Variants in UBAP1 observed in about 807,000 individuals in gnomAD.
The protein encoded by UBAP1 is ubiquitin associated protein 1.
In UBAP1, 5 loss-of-function variants were observed where a neutral mutation model predicts 39.0. The observed-to-expected ratio is 0.13, with a 90% CI of 0.07 to 0.27. The LOEUF is 0.27. UBAP1 is among the 10% of genes least tolerant of loss of function. The pLI is 1.00. For synonymous variants in UBAP1, 211 were observed against 225.1 expected (o/e 0.94, Z 0.56); for missense variants, 490 against 608.1 (o/e 0.81, Z 2.04).
At chr9:34,250,800 AGGGACCAAGTATCCATCCTGGTTT>A (rs1364128591) in intron 6 of UBAP1, 41 bp downstream of exon 6, 2 of 1,550,016 alleles carry the variant, frequency 1.3e-6, no homozygotes, top group Non-Finnish European at 1.8e-6. Flanking sequence ...CTGGAAAAGG[AGGGACCAAGTATCCATCCTGGTTT>A]TCTCCCTTGG....
chr9:34,203,468 GC>G (rs1353820704), intron 1 of UBAP1, among the ~76,000 whole-genome samples: 1 of 152,162 alleles, frequency 6.6e-6, no homozygotes, highest in East Asian at 1.9e-4. Context: ...CACTACTGTG[GC>G]CGGGCACTAT....
At chr9:34,251,119 G>A (rs1048353945) in intron 6 of UBAP1, among the ~76,000 whole-genome samples, 6 of 152,236 alleles carry the variant, frequency 3.9e-5, no homozygotes, top group Non-Finnish European at 7.3e-5. Flanking sequence ...GAAGATGGAT[G>A]TGGGTGGTGG....
chr9:34,234,464 C>A, intron 3 of UBAP1, 124 bp downstream of exon 3: 1 of 1,107,162 alleles, frequency 9.0e-7, no homozygotes, highest in Non-Finnish European at 1.3e-6. Flanking sequence ...AACGATGGAC[C>A]ACATATACAA....
chr9:34,182,615 CCTT>C (rs1830107913), intron 1 of UBAP1, among the ~76,000 whole-genome samples: 2 of 145,246 alleles, frequency 1.4e-5, no homozygotes, highest in African/African-American at 2.6e-5. Context: ...TTCTTTCTTT[CCTT>C]CTTTCTTTCT....
At chr9:34,203,333 A>C (rs909483720) in intron 1 of UBAP1, among the ~76,000 whole-genome samples, 4 of 152,194 alleles carry the variant, frequency 2.6e-5, no homozygotes, top group Non-Finnish European at 4.4e-5. Flanking sequence ...ATCAACAAAA[A>C]TTAAATATGC....
chr9:34,206,050 A>G (rs1429090486), intron 1 of UBAP1: 1 of 152,236 alleles, frequency 6.6e-6, no homozygotes, highest in Non-Finnish European at 1.5e-5. Context: ...GTACTAGTTT[A>G]TGTACTTATT....
chr9:34,220,990 T>A (rs1832724872), intron 2 of UBAP1, 42 bp downstream of exon 2: 1 of 1,577,574 alleles, frequency 6.3e-7, no homozygotes, highest in African/African-American at 1.3e-5. Flanking sequence ...TATGATTTGA[T>A]CAGAGGATTT....
chr9:34,229,685 G>A (rs1236113862), intron 2 of UBAP1, among the ~76,000 whole-genome samples: 4 of 150,036 alleles, frequency 2.7e-5, no homozygotes, highest in Admixed American at 6.7e-5. Context: ...TTACAGGAAC[G>A]TGCTACCACG....
At chr9:34,243,400 G>A (rs1228342795) in intron 4 of UBAP1, among the ~76,000 whole-genome samples, 1 of 152,136 alleles carries the variant, frequency 6.6e-6, no homozygotes. Flanking sequence ...ATCTCAGGAT[G>A]GGAAGAGGCC....
intron 1 of UBAP1, among the ~76,000 whole-genome samples, chr9:34,198,107 C>T (rs1412651816): frequency 6.6e-6 from 1 of 152,054 alleles, no homozygotes; most frequent in Non-Finnish European, 1.5e-5. Flanking sequence ...GAGGCCAGTG[C>T]AGGTCTGTTG....
At chr9:34,188,518 C>A (rs1458899588) in intron 1 of UBAP1, among the ~76,000 whole-genome samples, 1 of 149,676 alleles carries the variant, frequency 6.7e-6, no homozygotes, top group East Asian at 2.0e-4. Flanking sequence ...TCACCTGCTT[C>A]GGCCTCCCCA....
chr9:34,212,440 CTATT>C (rs66555396), intron 1 of UBAP1, among the ~76,000 whole-genome samples: 30,279 of 141,506 alleles, frequency 0.21, 3,633 homozygotes, highest in South Asian at 0.29. Context: ...TAGTTATTTT[CTATT>C]TATTATATGC....
At chr9:34,249,186 G>A (rs530017458) in intron 4 of UBAP1, among the ~76,000 whole-genome samples, 2 of 152,108 alleles carry the variant, frequency 1.3e-5, no homozygotes, top group Non-Finnish European at 2.9e-5. Flanking sequence ...ACGAAGCACA[G>A]TACATGATGT....
rs10535791 is a variant in UBAP1 at position 34,235,307 on chromosome 9, ATGTGTG to A, written c.159+987_159+992del. Among the ~76,000 whole-genome samples, 22 of 140,474 alleles carry A rather than the reference ATGTGTG, an allele frequency of 1.6e-4. No homozygotes were observed. The South Asian group carries it at 3.7e-3, about 24-fold the overall frequency. The allele number at this position is 140,474 out of a possible 152,430, so 92.2% of individuals were successfully genotyped here. On this transcript the variant is annotated intron_variant, in intron 3 of 6. Coordinates refer to ENST00000297661, the MANE Select transcript of UBAP1 (RefSeq NM_016525.5). ...CATTTGTGTATATGTGTATATATAT[ATGTGTG>A]TGTGTGTGTGTGTGTGTGTATATAT... is the stretch of plus-strand genomic sequence containing the variant.
At chr9:34,211,996 G>C (rs936296198) in intron 1 of UBAP1, 2 of 431,190 alleles carry the variant, frequency 4.6e-6, no homozygotes, top group Admixed American at 5.1e-5. Context: ...TAGTGTAAAA[G>C]TTCTTGAATT....
intron 2 of UBAP1, among the ~76,000 whole-genome samples, chr9:34,231,137 G>GTA (rs1833391163): frequency 1.9e-5 from 1 of 51,868 alleles, no homozygotes; most frequent in Non-Finnish European, 4.1e-5. Flanking sequence ...ATGTGTGTGT[G>GTA]TGTGTGTGTG....
chr9:34,191,626 A>G (rs1263496304), intron 1 of UBAP1: 1 of 154,756 alleles, frequency 6.5e-6, no homozygotes, highest in Non-Finnish European at 1.5e-5. Context: ...CAAAGAGAGC[A>G]CACAACTGTT....
At chr9:34,231,652 T>A (rs1261740514) in intron 2 of UBAP1, among the ~76,000 whole-genome samples, 3 of 151,708 alleles carry the variant, frequency 2.0e-5, no homozygotes, top group African/African-American at 7.3e-5. Context: ...TTTTTTTGTT[T>A]GTTTGTTTTT....
At position 34,234,213 on chromosome 9, in the gene UBAP1, T is replaced by C; in HGVS notation, c.35-3T>C. The C allele has an allele frequency of 6.3e-7, 1 of 1,592,530 alleles. No homozygotes were observed. The highest frequency in any genetic ancestry group is 8.5e-7 in the Non-Finnish European group (1 of 1,174,754). The stretch of plus-strand genomic sequence containing the variant: ...ATATTTTCTACTTTATTTTTGATTA[T>C]AGGGACTTTCAGTTACCTTGATGAT... On this transcript the variant is annotated splice_region_variant and splice_polypyrimidine_tract_variant and intron_variant, in intron 2 of 6. Transcript: ENST00000297661.
Sources: gnomAD v4.1 joint callset for allele counts (sites outside exome capture counted in the v4.1 genomes callset) on GRCh38, gnomAD v4.1.1 for gene constraint, MANE v1.5 for transcripts, NCBI Gene and HGNC (gene_info 2026-07-23, HGNC 2026-07-21) for gene names.